GPR158: variants seen among roughly 807,000 people sequenced by gnomAD.
The protein encoded by GPR158 is metabotropic glycine receptor.
A neutral mutation model predicts 78.2 loss-of-function variants in GPR158; 30 were observed. That is an observed-to-expected ratio of 0.38 (90% confidence interval 0.29 to 0.52). The LOEUF (loss-of-function observed/expected upper bound fraction) is 0.52, where lower values mean the gene tolerates loss of function less well. Ranked by LOEUF, GPR158 falls within the 20% of genes least tolerant of loss-of-function variation. GPR158 has a pLI of 0.83. For synonymous variants in GPR158, 581 were observed against 591.1 expected (o/e 0.98, Z 0.25); for missense variants, 1,463 against 1,523.5 (o/e 0.96, Z 0.66).
At chr10:25,525,253 T>C (rs1390173585) in intron 5 of GPR158, among the ~76,000 whole-genome samples, 1 of 152,214 alleles carries the variant, frequency 6.6e-6, no homozygotes, top group African/African-American at 2.4e-5. Context: ...AGTTACCATA[T>C]GACTCAGCAA....
At chr10:25,324,768 G>A (rs887001571) in intron 2 of GPR158, among the ~76,000 whole-genome samples, 1 of 151,564 alleles carries the variant, frequency 6.6e-6, no homozygotes, top group Non-Finnish European at 1.5e-5. Context: ...TTCTTCTAGA[G>A]GAAGATGGAC....
At chr10:25,516,920 A>T (rs1477757394) in intron 5 of GPR158, among the ~76,000 whole-genome samples, 9 of 145,026 alleles carry the variant, frequency 6.2e-5, no homozygotes, top group African/African-American at 2.2e-4. Context: ...AGTCATTGGT[A>T]GCTTGATGGG....
chr10:25,416,639 T>C (rs1834664447), intron 4 of GPR158, among the ~76,000 whole-genome samples: 1 of 152,104 alleles, frequency 6.6e-6, no homozygotes, highest in African/African-American at 2.4e-5. Flanking sequence ...AGTTGTAATA[T>C]AGGAATAAGT....
chr10:25,579,403 C>CCTGG (rs1837155954), intron 7 of GPR158, among the ~76,000 whole-genome samples: 1 of 152,058 alleles, frequency 6.6e-6, no homozygotes, highest in South Asian at 2.1e-4. Context: ...TTTAGATATC[C>CCTGG]CAGGCAGGCA....
chr10:25,515,472 A>C, intron 5 of GPR158, among the ~76,000 whole-genome samples: 1 of 138,754 alleles, frequency 7.2e-6, no homozygotes, highest in Non-Finnish European at 1.6e-5. Flanking sequence ...GCACCCACTA[A>C]CTCGTCATCT....
chr10:25,539,920 A>G (rs917031457), intron 5 of GPR158, among the ~76,000 whole-genome samples: 31 of 152,300 alleles, frequency 2.0e-4, no homozygotes, highest in African/African-American at 7.5e-4. Context: ...ATGGAAGCAC[A>G]TCTCTTGCCA....
At chr10:25,279,222 T>C (rs533188269) in intron 2 of GPR158, among the ~76,000 whole-genome samples, 11 of 152,170 alleles carry the variant, frequency 7.2e-5, no homozygotes, top group Non-Finnish European at 1.6e-4. Flanking sequence ...AATTTCACGC[T>C]AGTGATATGC....
chr10:25,384,128 C>G (rs1834191077), intron 2 of GPR158, among the ~76,000 whole-genome samples: 2 of 152,078 alleles, frequency 1.3e-5, no homozygotes, highest in Admixed American at 6.5e-5. Flanking sequence ...GCTTTGCGAT[C>G]TAGTTTCCAG....
At chr10:25,201,578 A>G (rs1852930524) in intron 1 of GPR158, among the ~76,000 whole-genome samples, 1 of 152,036 alleles carries the variant, frequency 6.6e-6, no homozygotes, top group South Asian at 2.1e-4. Flanking sequence ...TCTTGTTCTC[A>G]AGGGGAATTC....
chr10:25,245,386 A>G (rs980677824), intron 2 of GPR158, among the ~76,000 whole-genome samples: 2 of 152,192 alleles, frequency 1.3e-5, no homozygotes, highest in Non-Finnish European at 2.9e-5. Context: ...ATTAACACAT[A>G]TGATAGAGGG....
At chr10:25,414,325 C>G (rs1337790351) in intron 4 of GPR158, among the ~76,000 whole-genome samples, 1 of 152,126 alleles carries the variant, frequency 6.6e-6, no homozygotes, top group Non-Finnish European at 1.5e-5. Flanking sequence ...CAGAATCCTA[C>G]TGTACAGGAC....
chr10:25,482,365 T>C (rs1184789337), intron 5 of GPR158, among the ~76,000 whole-genome samples: 1 of 152,044 alleles, frequency 6.6e-6, no homozygotes, highest in Non-Finnish European at 1.5e-5. Context: ...TAAATTTTCT[T>C]AGAGATGAAG....
chr10:25,529,482 CT>C (rs1265121285), intron 5 of GPR158, among the ~76,000 whole-genome samples: 12 of 152,134 alleles, frequency 7.9e-5, no homozygotes, highest in Admixed American at 2.0e-4. Context: ...CAAAAAGCAT[CT>C]TTTGGAAGCC....
chr10:25,277,109 C>G (rs1296490558), intron 2 of GPR158, among the ~76,000 whole-genome samples: 1 of 151,962 alleles, frequency 6.6e-6, no homozygotes, highest in Non-Finnish European at 1.5e-5. Context: ...GCCACCATGC[C>G]TATCCAATTT....
At chr10:25,286,332 A>T (rs1290508052) in intron 2 of GPR158, among the ~76,000 whole-genome samples, 2 of 151,794 alleles carry the variant, frequency 1.3e-5, no homozygotes, top group Non-Finnish European at 2.9e-5. Context: ...CTCTAAGTTC[A>T]CTGTTTCCTT....
At chr10:25,384,514 A>C (rs1834196699) in intron 2 of GPR158, among the ~76,000 whole-genome samples, 1 of 152,192 alleles carries the variant, frequency 6.6e-6, no homozygotes, top group South Asian at 2.1e-4. Context: ...ATCAGAAAGA[A>C]TTTTACATTT....
chr10:25,572,953 TAA>T, intron 7 of GPR158, 66 bp downstream of exon 7: 1 of 948,138 alleles, frequency 1.1e-6, no homozygotes, highest in East Asian at 2.4e-5. Flanking sequence ...CTGACTTCTT[TAA>T]AAGTCTTGCC....
rs78156783 is a variant in GPR158, at chr10:25,542,264, T to C, written c.1405-8712T>C. On this transcript the variant is annotated intron_variant, in intron 5 of 10. Coordinates refer to ENST00000376351, the MANE Select transcript of GPR158 (RefSeq NM_020752.3). ...ACTGAAGCAAATAACACTTGGAGAG[T>C]CAACTAGGAAAGGGGAACTGCTGTG... is the stretch of plus-strand genomic sequence containing the variant. Among the ~76,000 whole-genome samples, 473 of 151,752 alleles carry C rather than the reference T, an allele frequency of 3.1e-3. 1 individual carries two copies. Among genetic ancestry groups the C allele is most frequent in the African/African-American group, 0.011 (447 of 41,356 alleles).
chr10:25,537,870 C>A (rs1178056704), intron 5 of GPR158, among the ~76,000 whole-genome samples: 2 of 152,074 alleles, frequency 1.3e-5, no homozygotes, highest in African/African-American at 4.8e-5. Flanking sequence ...TCCCCTTCAC[C>A]TTCTATGGTG....
Sources: allele counts gnomAD v4.1 joint callset (sites outside exome capture counted in the v4.1 genomes callset), GRCh38; gene constraint gnomAD v4.1.1; transcripts MANE v1.5; gene names NCBI Gene and HGNC (gene_info 2026-07-23, HGNC 2026-07-21).